Variants in FOXP2 observed in about 807,000 individuals in gnomAD.
FOXP2 encodes forkhead box P2.
A neutral mutation model predicts 115.8 loss-of-function variants in FOXP2; 12 were observed. The observed-to-expected ratio is 0.10, with a 90% CI of 0.07 to 0.17. FOXP2 has a LOEUF of 0.17. Among genes scored for constraint, FOXP2 ranks in the 10% least tolerant of loss-of-function variants. The pLI, the probability that FOXP2 is intolerant of heterozygous loss-of-function variation, is 1.00. For synonymous variants in FOXP2, 328 were observed against 297.7 expected (o/e 1.10, Z -1.05); for missense variants, 629 against 843.5 (o/e 0.75, Z 3.15).
chr7:114,312,911 T>C lies in FOXP2; in HGVS notation c.-11+24802T>C, dbSNP rs188867232. Among the ~76,000 whole-genome samples, 845 of 152,314 alleles carry C rather than the reference T, an allele frequency of 5.5e-3. 3 individuals are homozygous for C. The highest frequency in any genetic ancestry group is 9.7e-3 in the Non-Finnish European group (661 of 68,028). ...CCTGGGGCAAGAGCAATCAAGGGCT[T>C]CTTGGCACACCTAGCAGAATGTGGA... On this transcript the variant is annotated intron_variant, in intron 2 of 17. Transcript: ENST00000634411.
intron 2 of FOXP2, among the ~76,000 whole-genome samples, chr7:114,471,060 C>T (rs375639159): frequency 2.0e-5 from 3 of 152,230 alleles, no homozygotes; most frequent in Non-Finnish European, 2.9e-5. Flanking sequence ...TGCATTCCTA[C>T]GTTTTTACTT....
chr7:114,120,722 A>G (rs760363401), intron 1 of FOXP2, among the ~76,000 whole-genome samples: 42 of 146,020 alleles, frequency 2.9e-4, no homozygotes, highest in Non-Finnish European at 5.7e-4. Context: ...GTGTGTATAT[A>G]TATGTACACA....
chr7:114,127,191 T>C (rs1440872663), intron 1 of FOXP2, among the ~76,000 whole-genome samples: 1 of 152,196 alleles, frequency 6.6e-6, no homozygotes, highest in East Asian at 1.9e-4. Context: ...CACATGGGAC[T>C]GAATATGAAA....
rs571026277 is a variant in FOXP2 at position 114,463,070 on chromosome 7, C to T, written c.168+36391C>T. 27 of 430,296 alleles carry T rather than the reference C, an allele frequency of 6.3e-5. 1 individual carries two copies. Among genetic ancestry groups the T allele is most frequent in the African/African-American group, 2.3e-4 (11 of 48,430 alleles). 26.7% of individuals were successfully genotyped at this position (430,296 alleles called of 1,614,324 possible). Reference sequence around the variant, plus strand: ...TAGAGACAGGGTCTTGTTCTGTTTCCCAGGCTGGAGTGCAGTGGTGCAATC... The same window carrying T: ...TAGAGACAGGGTCTTGTTCTGTTTCTCAGGCTGGAGTGCAGTGGTGCAATC... On this transcript the variant is annotated intron_variant, in intron 2 of 16. Coordinates refer to ENST00000350908, the MANE Select transcript of FOXP2 (RefSeq NM_014491.4).
chr7:114,631,578 C>T lies in FOXP2; in HGVS notation c.648C>T (p.Val216=), dbSNP rs1224531846. ...QQQQLAAQQL[V]FQQQLLQMQQ... ...AGCAATTGGCAGCCCAGCAGCTTGT[C>T]TTCCAGCAGCAGCTTCTCCAGATGC... Residue 216 remains valine, a synonymous_variant, in exon 6 of 17, where the codon GTC becomes GTT. Coordinates refer to ENST00000350908, the MANE Select transcript of FOXP2 (RefSeq NM_014491.4). 6.2e-7 allele frequency: 1 copy of T among 1,604,576 alleles called. No individual in the cohort carries two copies. The highest frequency in any genetic ancestry group is 1.1e-5 in the South Asian group (1 of 89,536).
intron 2 of FOXP2, among the ~76,000 whole-genome samples, chr7:114,360,707 A>C (rs1791725467): frequency 6.6e-6 from 1 of 152,174 alleles, no homozygotes; most frequent in African/African-American, 2.4e-5. Context: ...TTGGTGGTGG[A>C]AAGCTACTAC....
intron 2 of FOXP2, among the ~76,000 whole-genome samples, chr7:114,368,269 G>C (rs1026545757): frequency 6.6e-6 from 1 of 152,086 alleles, no homozygotes; most frequent in Non-Finnish European, 1.5e-5. Flanking sequence ...ATTTCATACA[G>C]AACATTGAGA....
upstream of FOXP2, among the ~76,000 whole-genome samples, chr7:114,409,979 T>C (rs367549045): frequency 3.9e-4 from 59 of 152,198 alleles, 1 homozygote; most frequent in African/African-American, 1.3e-3. Flanking sequence ...TGCCTTGGGA[T>C]AGAACTCATC....
chr7:114,097,031 T>C (rs959329877), intron 1 of FOXP2, among the ~76,000 whole-genome samples: 3 of 152,202 alleles, frequency 2.0e-5, no homozygotes, highest in African/African-American at 4.8e-5. Flanking sequence ...ATGCTGATAA[T>C]TTTCTCTCAA....
At position 114,559,942 on chromosome 7, in the gene FOXP2, C is replaced by A. The variant is rs191589303; in HGVS notation, c.258+25236C>A. Among the ~76,000 whole-genome samples the A allele has an allele frequency of 4.0e-5, 6 of 151,606 alleles. 1 individual carries two copies. The highest frequency in any genetic ancestry group is 3.9e-4 in the Admixed American group (6 of 15,238). On this transcript the variant is annotated intron_variant, in intron 3 of 16. Coordinates refer to ENST00000350908, the MANE Select transcript of FOXP2 (RefSeq NM_014491.4). The stretch of plus-strand genomic sequence containing the variant: ...TTAATTTAAAATCTTACTTTAGGAA[C>A]GTCAATGGATTTAATAGGTTAATAT...
At chr7:114,677,833 C>A (rs189875894) in intron 16 of FOXP2, among the ~76,000 whole-genome samples, 27 of 152,264 alleles carry the variant, frequency 1.8e-4, no homozygotes, top group African/African-American at 6.3e-4. Context: ...TAGAGGCTTG[C>A]GAGGTTGAAT....
chr7:114,317,594 G>C (rs1048768535), intron 2 of FOXP2, among the ~76,000 whole-genome samples: 1 of 152,142 alleles, frequency 6.6e-6, no homozygotes, highest in Non-Finnish European at 1.5e-5. Context: ...CTTCTAGTTA[G>C]TCTAAGTCTA....
At chr7:114,324,457 A>G (rs1204183042) in intron 2 of FOXP2, among the ~76,000 whole-genome samples, 1 of 151,864 alleles carries the variant, frequency 6.6e-6, no homozygotes, top group African/African-American at 2.4e-5. Context: ...ATTTGTGTTT[A>G]TATTTTGTCA....
At chr7:114,473,225 T>C (rs1278722873) in intron 2 of FOXP2, among the ~76,000 whole-genome samples, 4 of 152,202 alleles carry the variant, frequency 2.6e-5, no homozygotes, top group African/African-American at 4.8e-5. Flanking sequence ...AGATGGACAC[T>C]GATTTCTAAA....
intron 1 of FOXP2, among the ~76,000 whole-genome samples, chr7:114,138,603 G>C (rs567193857): frequency 1.6e-4 from 25 of 152,216 alleles, no homozygotes; most frequent in Non-Finnish European, 3.1e-4. Context: ...ATGTTGGCCA[G>C]ACTGGTCTCG....
chr7:114,594,588 G>A (rs1038833757), intron 3 of FOXP2, among the ~76,000 whole-genome samples: 1 of 152,006 alleles, frequency 6.6e-6, no homozygotes, highest in Admixed American at 6.6e-5. Context: ...CAAAAAAATA[G>A]TATGTGAGAA....
At position 114,175,068 on chromosome 7, in the gene FOXP2, G is replaced by T. The variant is rs180810064; in HGVS notation, c.-102+11980G>T. On this transcript the variant is annotated intron_variant, in intron 1 of 17. Coordinates refer to the FOXP2 transcript ENST00000634411. ...AAAGAAGCAGAATGCTTAAATGAGG[G>T]ATAAAATCCATCAAGCTAAGTATTT... 4.6e-5 allele frequency among the ~76,000 whole-genome samples: 7 copies of T among 151,970 alleles called. No homozygotes were observed. In the East Asian group the frequency reaches 9.7e-4, roughly 21 times the overall value.
At chr7:114,375,973 G>A (rs905027970) in intron 2 of FOXP2, among the ~76,000 whole-genome samples, 2 of 152,112 alleles carry the variant, frequency 1.3e-5, no homozygotes, top group Non-Finnish European at 2.9e-5. Flanking sequence ...GAATTTTTGG[G>A]GCCATCTTTG....
At chr7:114,545,728 C>T (rs567430427) in intron 3 of FOXP2, among the ~76,000 whole-genome samples, 1 of 152,078 alleles carries the variant, frequency 6.6e-6, no homozygotes, top group Non-Finnish European at 1.5e-5. Context: ...ACTCAAACAT[C>T]GGTTCATGTC....
Sources: gnomAD v4.1 joint callset for allele counts (sites outside exome capture counted in the v4.1 genomes callset) on GRCh38, gnomAD v4.1.1 for gene constraint, MANE v1.5 for transcripts, NCBI Gene and HGNC (gene_info 2026-07-23, HGNC 2026-07-21) for gene names.